Variants in PHACTR2 observed in about 807,000 individuals in gnomAD.
PHACTR2 encodes chromosome 6 open reading frame 56.
A neutral mutation model predicts 76.0 loss-of-function variants in PHACTR2; 30 were observed. That is an observed-to-expected ratio of 0.39 (90% CI 0.30 to 0.54). The LOEUF is 0.54. PHACTR2 is among the 20% of genes least tolerant of loss of function. PHACTR2 has a pLI of 0.61. For missense variants in PHACTR2, 696 were observed against 781.1 expected, an observed-to-expected ratio of 0.89 and a Z score of 1.30; for synonymous variants, 292 against 292.5, an observed-to-expected ratio of 1.00 and a Z score of 0.02.
Position 143,800,483 on chromosome 6 carries a change from G to A in PHACTR2, c.1846-6574G>A, listed in dbSNP as rs973064401. Among the ~76,000 whole-genome samples, 3 of 152,146 alleles carry A rather than the reference G, an allele frequency of 2.0e-5. No individual in the cohort carries two copies. The highest frequency in any genetic ancestry group is 3.9e-4 in the East Asian group (2 of 5,168). On this transcript the variant is annotated intron_variant, in intron 11 of 12. Transcript: ENST00000440869. This position sits in a 1 kb window ranked among gnomAD's most constrained non-coding sequence, Gnocchi z 4.8. ...TCACTGTGTTAGCCAGGATGGTCTC[G>A]ATCTCCTGACTTCGTGATCTGCCTG...
At chr6:143,681,711 A>G (rs1303608509) in intron 1 of PHACTR2, among the ~76,000 whole-genome samples, 1 of 152,198 alleles carries the variant, frequency 6.6e-6, no homozygotes, top group Non-Finnish European at 1.5e-5. Flanking sequence ...GCGTTTTATA[A>G]TTTTGGCTGT....
chr6:143,623,816 G>A lies in PHACTR2; in HGVS notation c.13+15494G>A, dbSNP rs1010865684. On this transcript the variant is annotated intron_variant, in intron 1 of 11. Transcript: ENST00000305766. The surrounding 1 kb of genome is among the most constrained non-coding windows in gnomAD (Gnocchi z 5.9). ...TTGGTTTTGTTTGTACAGTCATTGT[G>A]TCCTGCTTTAAAAGCCAATAAATTA... Among the ~76,000 whole-genome samples the A allele has an allele frequency of 6.6e-6, 1 of 152,102 alleles. No homozygotes were observed. Among genetic ancestry groups the A allele is most frequent in the African/African-American group, 2.4e-5 (1 of 41,398 alleles).
intron 1 of PHACTR2, among the ~76,000 whole-genome samples, chr6:143,636,347 C>T (rs1776454757): frequency 1.3e-5 from 2 of 152,000 alleles, no homozygotes; most frequent in Non-Finnish European, 2.9e-5. Flanking sequence ...GTTGGGATCC[C>T]CATTTATTTT....
At position 143,783,832 on chromosome 6, in the gene PHACTR2, A is replaced by G. The variant is rs1775488824; in HGVS notation, c.1707+552A>G. On this transcript the variant is annotated intron_variant, in intron 10 of 12. Transcript: ENST00000440869. The surrounding 1 kb of genome is among the most constrained non-coding windows in gnomAD (Gnocchi z 5.2). ...CTTTCATTCAGAGACAGCCATTATT[A>G]ACATTTCAATGCATGTATTTCCATT... Among the ~76,000 whole-genome samples, 2 of 152,214 alleles carry G rather than the reference A, an allele frequency of 1.3e-5. No homozygotes were observed. Among genetic ancestry groups the G allele is most frequent in the Non-Finnish European group, 2.9e-5 (2 of 68,036 alleles).
rs996981613 is a variant in PHACTR2, at chr6:143,633,383, T to C, written c.13+25061T>C. On this transcript the variant is annotated intron_variant, in intron 1 of 11. Transcript: ENST00000305766. This position sits in a 1 kb window ranked among gnomAD's most constrained non-coding sequence, Gnocchi z 4.1. ...TGATGCTGAACATCTTTTCATATGC[T>C]CACTTGCCTTTTCCACCTGTATATC... is the stretch of plus-strand genomic sequence containing the variant. Among the ~76,000 whole-genome samples, 17 of 152,236 alleles carry C rather than the reference T, an allele frequency of 1.1e-4. No homozygotes were observed. Among genetic ancestry groups the C allele is most frequent in the African/African-American group, 3.9e-4 (16 of 41,460 alleles).
rs971211159 is a variant in PHACTR2, at chr6:143,807,930, A to G, written c.1922+797A>G. On this transcript the variant is annotated intron_variant, in intron 12 of 12. Transcript: ENST00000440869. The surrounding 1 kb of genome is among the most constrained non-coding windows in gnomAD (Gnocchi z 5.5). ...ACAATATAAAGGAAGTTGCTGTATA[A>G]CCTCCAACTTTAACAGCAAACTTCC... Among the ~76,000 whole-genome samples, 1 of 152,104 alleles carries G rather than the reference A, an allele frequency of 6.6e-6. No homozygotes were observed. The highest frequency in any genetic ancestry group is 1.5e-5 in the Non-Finnish European group (1 of 68,028).
chr6:143,740,772 C>G (rs1778923419), intron 2 of PHACTR2, among the ~76,000 whole-genome samples: 2 of 152,140 alleles, frequency 1.3e-5, no homozygotes, highest in African/African-American at 2.4e-5. Context: ...TAAGAAAAAT[C>G]AGAAAGCAGC....
Position 143,807,224 on chromosome 6 carries a change from A to C in PHACTR2, c.1922+91A>C, listed in dbSNP as rs185387526. ...AAAAAAAGAAATTGCTTACAATGGTAAATTTTATGATAGGTATATTTCATC... is the reference window on the plus strand; with the variant it reads ...AAAAAAAGAAATTGCTTACAATGGTCAATTTTATGATAGGTATATTTCATC... On this transcript the variant is annotated intron_variant, in intron 12 of 12. Transcript: ENST00000440869. The surrounding 1 kb of genome is among the most constrained non-coding windows in gnomAD (Gnocchi z 5.5). 2.7e-6 allele frequency: 2 copies of C among 727,926 alleles called. No homozygotes were observed. The highest frequency in any genetic ancestry group is 5.1e-5 in the East Asian group (2 of 39,042). 45.1% of individuals were successfully genotyped at this position (727,926 alleles called of 1,614,324 possible). A position where few individuals can be genotyped will look rare whatever the true frequency, so the allele number is the denominator to read the frequency against.
In PHACTR2 at chr6:143,823,792, G is replaced by T; in HGVS notation, c.*103G>T. On this transcript the variant is annotated 3_prime_UTR_variant, in exon 13 of 13. Coordinates refer to ENST00000440869, the MANE Select transcript of PHACTR2 (RefSeq NM_001100164.2). The surrounding 1 kb of genome is among the most constrained non-coding windows in gnomAD (Gnocchi z 5.7). ...CTGGGATTTGAATGTGTGTGTTTCC[G>T]TTTAACTTGTGGTGAAGGAAGTGTG... 1.0e-6 allele frequency: 1 copy of T among 978,898 alleles called. No homozygotes were observed. The highest frequency in any genetic ancestry group is 1.3e-5 in the South Asian group (1 of 76,732). The allele number at this position is 978,898 out of a possible 1,614,324, so 60.6% of individuals were successfully genotyped here.
chr6:143,636,443 C>T (rs7745196), intron 1 of PHACTR2, among the ~76,000 whole-genome samples: 62,865 of 151,954 alleles, frequency 0.41, 13,516 homozygotes, highest in Non-Finnish European at 0.48. Flanking sequence ...TTTCCATACA[C>T]GTTGAGACCT....
intron 1 of PHACTR2, among the ~76,000 whole-genome samples, chr6:143,665,587 C>G (rs1777019629): frequency 1.3e-5 from 2 of 152,172 alleles, no homozygotes; most frequent in Admixed American, 1.3e-4. Flanking sequence ...TCCCACACCC[C>G]ACATTCAATC....
At chr6:143,690,911 T>C (rs1025559439) in intron 1 of PHACTR2, among the ~76,000 whole-genome samples, 2 of 152,246 alleles carry the variant, frequency 1.3e-5, no homozygotes, top group Admixed American at 6.5e-5. Flanking sequence ...TGTGTTTTTA[T>C]TTTAGGGATG....
At chr6:143,544,059 C>A (rs905524086) in intron 1 of PHACTR2, among the ~76,000 whole-genome samples, 1 of 152,160 alleles carries the variant, frequency 6.6e-6, no homozygotes, top group East Asian at 1.9e-4. Context: ...TCTTCTGTTC[C>A]CCTTTCTCCC....
intron 1 of PHACTR2, among the ~76,000 whole-genome samples, chr6:143,576,347 T>A (rs1775510150): frequency 6.6e-6 from 1 of 152,232 alleles, no homozygotes; most frequent in South Asian, 2.1e-4. Flanking sequence ...GTGGGGTGAT[T>A]TTCTGTTCCT....
At chr6:143,759,515 G>A (rs947258388) in intron 4 of PHACTR2, among the ~76,000 whole-genome samples, 20 of 152,010 alleles carry the variant, frequency 1.3e-4, no homozygotes, top group Admixed American at 5.2e-4. Flanking sequence ...TTAGCTGGGC[G>A]TGGTGGCAAA....
rs1775318531 is a variant in PHACTR2, at chr6:143,777,817, T to C, written c.1645+434T>C. ...GTTGCTAGTTTAACAAATGGCTCAATTCAAAACAAAATTTTCAATCCATTG... is the reference window on the plus strand; with the variant it reads ...GTTGCTAGTTTAACAAATGGCTCAACTCAAAACAAAATTTTCAATCCATTG... On this transcript the variant is annotated intron_variant, in intron 9 of 12. Transcript: ENST00000440869. This position sits in a 1 kb window ranked among gnomAD's most constrained non-coding sequence, Gnocchi z 4.6. 6.6e-6 allele frequency among the ~76,000 whole-genome samples: 1 copy of C among 152,228 alleles called. No homozygotes were observed. The highest frequency in any genetic ancestry group is 2.4e-5 in the African/African-American group (1 of 41,460).
intron 1 of PHACTR2, among the ~76,000 whole-genome samples, chr6:143,551,793 C>T (rs1055336800): frequency 2.0e-5 from 3 of 152,236 alleles, no homozygotes; most frequent in East Asian, 3.9e-4. Context: ...TTATAATACC[C>T]ATTGAAAATG....
rs1778467002 is a variant in PHACTR2 at position 143,722,572 on chromosome 6, A to C, written c.214+10389A>C. The stretch of plus-strand genomic sequence containing the variant: ...CAATGTGTAATGTTTAAATCAAGGT[A>C]ATTGAGATATACATCACCTCAAACA... On this transcript the variant is annotated intron_variant, in intron 2 of 12. Transcript: ENST00000440869. This position sits in a 1 kb window ranked among gnomAD's most constrained non-coding sequence, Gnocchi z 4.1. Among the ~76,000 whole-genome samples the C allele has an allele frequency of 6.6e-6, 1 of 152,210 alleles. No homozygotes were observed. The highest frequency in any genetic ancestry group is 2.4e-5 in the African/African-American group (1 of 41,448).
chr6:143,788,184 C>G (rs1169993616), intron 10 of PHACTR2, among the ~76,000 whole-genome samples: 1 of 152,206 alleles, frequency 6.6e-6, no homozygotes, highest in African/African-American at 2.4e-5. Flanking sequence ...CAACTCTCCC[C>G]TCCCCATTCG....
Sources: gnomAD v4.1 joint callset for allele counts (sites outside exome capture counted in the v4.1 genomes callset) on GRCh38, gnomAD v4.1.1 for gene constraint, Gnocchi (gnomAD v3.1) non-coding constraint, MANE v1.5 for transcripts, NCBI Gene and HGNC (gene_info 2026-07-23, HGNC 2026-07-21) for gene names.